Variants in PIR observed in about 807,000 individuals in gnomAD.
The protein encoded by PIR is pirin, also known as pirin (iron-binding nuclear protein).
Under a neutral mutation model 24.2 loss-of-function variants are expected in PIR, and 22 were observed. The observed-to-expected ratio is 0.91, with a 90% CI of 0.65 to 1.30. The LOEUF (loss-of-function observed/expected upper bound fraction) is 1.30. PIR is among the 50% of genes most tolerant of loss of function. The probability of loss-of-function intolerance (pLI) is 0.00; values close to 1 mark genes in which losing one functional copy is unlikely to be tolerated. For synonymous variants in PIR, 80 were observed against 79.6 expected (o/e 1.00, Z -0.03); for missense variants, 220 against 220.3 (o/e 1.00, Z 0.01).
At chrX:15,467,178 A>G (rs766509234) in intron 3 of PIR, among the ~76,000 whole-genome samples, 4 of 112,571 alleles carry the variant, frequency 3.6e-5, no homozygotes, top group African/African-American at 6.5e-5. Flanking sequence ...TGATCCTGGA[A>G]ATATGTGATC....
At chrX:15,481,822 C>A (rs1448684827) in intron 2 of PIR, among the ~76,000 whole-genome samples, 2 of 111,765 alleles carry the variant, frequency 1.8e-5, no homozygotes, top group African/African-American at 3.2e-5. Context: ...AGTTCACACA[C>A]AAAAAAATTG....
At chrX:15,462,017 T>A (rs1003284255) in intron 3 of PIR, among the ~76,000 whole-genome samples, 1 of 111,619 alleles carries the variant, frequency 9.0e-6, no homozygotes, top group African/African-American at 3.3e-5. Context: ...ATGGTAGGCA[T>A]TTTGTGTAGA....
intron 3 of PIR, among the ~76,000 whole-genome samples, chrX:15,473,609 TGCAATGGC>T (rs1922041524): frequency 9.0e-6 from 1 of 110,966 alleles, no homozygotes; most frequent in Admixed American, 9.6e-5. Context: ...CAGGGTGGAG[TGCAATGGC>T]GCAATCTTGG....
rs558529350 is a variant in PIR at position 15,437,591 on chromosome X, A to G, written c.481-11601T>C. Reference sequence around the variant, plus strand: ...ACTGATGCCAAACTCCAATTTTCGCACACCAAATTGCTTTAAATATATTCC... The same window carrying G: ...ACTGATGCCAAACTCCAATTTTCGCGCACCAAATTGCTTTAAATATATTCC... On this transcript the variant is annotated intron_variant, in intron 5 of 9. Coordinates refer to ENST00000380420, the MANE Select transcript of PIR (RefSeq NM_001018109.3). Among the ~76,000 whole-genome samples the G allele has an allele frequency of 3.5e-4, 39 of 112,001 alleles. No homozygotes were observed. In the South Asian group the frequency reaches 0.014, roughly 39 times the overall value.
intron 5 of PIR, among the ~76,000 whole-genome samples, chrX:15,443,829 T>C (rs1338014957): frequency 8.9e-6 from 1 of 111,873 alleles, no homozygotes; most frequent in African/African-American, 3.2e-5. Flanking sequence ...ATGGTGGGAA[T>C]AGCAAGAGAA....
intron 6 of PIR, among the ~76,000 whole-genome samples, chrX:15,418,467 C>T (rs1411799440): frequency 8.9e-6 from 1 of 112,207 alleles, no homozygotes; most frequent in Non-Finnish European, 1.9e-5. Context: ...AAACTACTTA[C>T]TCTTATTTTA....
chrX:15,414,437 CAG>C (rs1466016890), intron 6 of PIR, among the ~76,000 whole-genome samples: 8 of 112,017 alleles, frequency 7.1e-5, no homozygotes, highest in African/African-American at 2.6e-4. Context: ...GAAAAAAAAT[CAG>C]AAAATAATTC....
chrX:15,468,371 T>C (rs1921711097), intron 3 of PIR, among the ~76,000 whole-genome samples: 1 of 112,303 alleles, frequency 8.9e-6, no homozygotes, highest in African/African-American at 3.2e-5. Flanking sequence ...GAAGTTCTTC[T>C]GCTTAGTACA....
chrX:15,479,867 A>AT, intron 2 of PIR, 46 bp from the exon 3 acceptor site: 1 of 689,047 alleles, frequency 1.5e-6, no homozygotes, highest in Non-Finnish European at 2.2e-6. Context: ...CTTTTAAGCC[A>AT]TACTACCAGG....
chrX:15,462,771 T>A (rs770673866), intron 3 of PIR, among the ~76,000 whole-genome samples: 3 of 112,294 alleles, frequency 2.7e-5, no homozygotes, highest in Non-Finnish European at 5.6e-5. Context: ...TCATAAGATA[T>A]CAATTCAAAT....
rs956289458 is a variant in PIR, at chrX:15,417,024, C to T, written c.565+8882G>A. Among the ~76,000 whole-genome samples, 12 of 112,021 alleles carry T rather than the reference C, an allele frequency of 1.1e-4. 1 individual carries two copies. Among genetic ancestry groups the T allele is most frequent in the Admixed American group, 1.0e-3 (11 of 10,589 alleles). ...TTGGCTCACTGCAACCTCCACCTCC[C>T]AGGTTCAAGCAATTCTCATGCCTCA... On this transcript the variant is annotated intron_variant, in intron 6 of 9. Coordinates refer to ENST00000380420, the MANE Select transcript of PIR (RefSeq NM_001018109.3).
intron 3 of PIR, among the ~76,000 whole-genome samples, chrX:15,461,989 G>A (rs1921324984): frequency 9.0e-6 from 1 of 111,609 alleles, no homozygotes; most frequent in Non-Finnish European, 1.9e-5. Flanking sequence ...GAATGAATTT[G>A]AAAATCAGTA....
chrX:15,433,570 A>G (rs234492), intron 5 of PIR, among the ~76,000 whole-genome samples: 8 of 98,984 alleles, frequency 8.1e-5, no homozygotes, highest in Non-Finnish European at 1.4e-4. Flanking sequence ...AAGAGAGAGA[A>G]AGAAAGAAAT....
chrX:15,490,654 CCAGACGTCTA>C (rs201339931), intron 2 of PIR, among the ~76,000 whole-genome samples: 4,807 of 112,002 alleles, frequency 0.043, 93 homozygotes, highest in Non-Finnish European at 0.068. Context: ...GTGTCCCTCA[CCAGACGTCTA>C]CAGAGTTGGG....
chrX:15,398,536 T>C (rs1924257169), intron 7 of PIR, among the ~76,000 whole-genome samples: 1 of 110,758 alleles, frequency 9.0e-6, no homozygotes, highest in African/African-American at 3.3e-5. Flanking sequence ...AGAGAAAAGA[T>C]TGCAGTGAAA....
chrX:15,459,164 G>A (rs1921198049), intron 4 of PIR, among the ~76,000 whole-genome samples: 1 of 111,959 alleles, frequency 8.9e-6, no homozygotes, highest in Non-Finnish European at 1.9e-5. Flanking sequence ...TGTCTTAAGT[G>A]ATAACACCTA....
chrX:15,413,582 A>G (rs1424710270), intron 6 of PIR, among the ~76,000 whole-genome samples: 1 of 111,932 alleles, frequency 8.9e-6, no homozygotes, highest in Non-Finnish European at 1.9e-5. Context: ...ATAACTGAAT[A>G]TAAACAGCAA....
chrX:15,459,686 T>A lies in PIR; in HGVS notation c.244A>T (p.Thr82Ser). ...SMAHEDFCGH[T>S]GKMNPGDLQW... ...AAATCTCCTGGGTTCATTTTACCAG[T>A]GTGTCCACAGAAGTCTTCATGGGCC... The change falls in exon 4 of 10, where the codon ACT becomes TCT. Residue 82 changes from threonine (T) to serine (S), a missense_variant. By Grantham distance (58) the Thr-to-Ser change is moderately conservative. Transcript: ENST00000380420. 8.4e-7 allele frequency: 1 copy of A among 1,197,363 alleles called. No individual in the cohort carries two copies.
At chrX:15,467,791 T>C (rs1921680378) in intron 3 of PIR, among the ~76,000 whole-genome samples, 1 of 112,112 alleles carries the variant, frequency 8.9e-6, no homozygotes, top group Admixed American at 9.4e-5. Context: ...GACATCAAGG[T>C]TCTATGATAA....
Sources: gnomAD v4.1 joint callset for allele counts (sites outside exome capture counted in the v4.1 genomes callset) on GRCh38, gnomAD v4.1.1 for gene constraint, MANE v1.5 for transcripts, NCBI Gene and HGNC (gene_info 2026-07-23, HGNC 2026-07-21) for gene names.